Variants in KCNIP4 observed in about 807,000 individuals in gnomAD.
KCNIP4 encodes the protein Kv channel-interacting protein 4.
KCNIP4 carries 12 observed loss-of-function variants against 34.0 expected under a neutral mutation model. The observed-to-expected ratio is 0.35, with a 90% CI of 0.23 to 0.57. KCNIP4 has a LOEUF of 0.57. Among genes scored for constraint, KCNIP4 ranks in the 20% least tolerant of loss-of-function variants. The pLI, the probability that KCNIP4 is intolerant of heterozygous loss-of-function variation, is 0.83. For synonymous variants in KCNIP4, 124 were observed against 102.2 expected (o/e 1.21, Z -1.29); for missense variants, 238 against 311.7 (o/e 0.76, Z 1.78).
intron 1 of KCNIP4, chr4:21,316,141 AC>A (rs1713735373): frequency 6.6e-6 from 1 of 152,126 alleles, no homozygotes; most frequent in Non-Finnish European, 1.5e-5. Context: ...GACAAGATTA[AC>A]CCCTTCTTCT....
chr4:21,144,425 TTA>T (rs1752202615), intron 1 of KCNIP4, among the ~76,000 whole-genome samples: 1 of 152,284 alleles, frequency 6.6e-6, no homozygotes, highest in East Asian at 1.9e-4. Context: ...ATCCCAGAGT[TTA>T]TGTCAAAAAA....
At chr4:20,861,354 G>T (rs192184480) in intron 2 of KCNIP4, among the ~76,000 whole-genome samples, 1 of 152,250 alleles carries the variant, frequency 6.6e-6, no homozygotes, top group African/African-American at 2.4e-5. Flanking sequence ...ATTTTCAGGT[G>T]CACATGGAGA....
intron 1 of KCNIP4, among the ~76,000 whole-genome samples, chr4:21,046,844 T>C (rs11938106): frequency 0.42 from 64,198 of 152,024 alleles, 15,114 homozygotes; most frequent in African/African-American, 0.65. Flanking sequence ...ACCCGCCTCC[T>C]GGCCTTCCAA....
At chr4:21,345,941 C>T (rs962896951) in intron 1 of KCNIP4, among the ~76,000 whole-genome samples, 1 of 149,954 alleles carries the variant, frequency 6.7e-6, no homozygotes, top group Non-Finnish European at 1.5e-5. Context: ...GGTATGATTT[C>T]ATTTTGGAGC....
chr4:21,708,721 T>A (rs982121117), intron 1 of KCNIP4, among the ~76,000 whole-genome samples: 2 of 152,064 alleles, frequency 1.3e-5, no homozygotes, highest in African/African-American at 4.8e-5. Flanking sequence ...TCAAAGGCAA[T>A]CAATAGGCAG....
intron 1 of KCNIP4, among the ~76,000 whole-genome samples, chr4:21,762,737 T>C (rs973412099): frequency 2.6e-5 from 4 of 152,144 alleles, no homozygotes; most frequent in Non-Finnish European, 4.4e-5. Flanking sequence ...ACCAGCGTCA[T>C]TAGTGGGCTG....
At chr4:21,130,352 T>C (rs1031173879) in intron 1 of KCNIP4, among the ~76,000 whole-genome samples, 3 of 152,206 alleles carry the variant, frequency 2.0e-5, no homozygotes, top group African/African-American at 7.2e-5. Flanking sequence ...TCTGAACCAT[T>C]ACAGAAGTTA....
At chr4:21,328,887 C>T (rs1276082522) in intron 1 of KCNIP4, among the ~76,000 whole-genome samples, 4 of 152,194 alleles carry the variant, frequency 2.6e-5, no homozygotes, top group Non-Finnish European at 5.9e-5. Flanking sequence ...CACCTGGCTA[C>T]CCCAGGTGTT....
intron 1 of KCNIP4, among the ~76,000 whole-genome samples, chr4:20,980,918 C>T (rs914959119): frequency 1.4e-4 from 21 of 152,106 alleles, no homozygotes; most frequent in African/African-American, 5.1e-4. Context: ...ACCCTGTCAA[C>T]CTTCATCATT....
intron 1 of KCNIP4, among the ~76,000 whole-genome samples, chr4:20,978,793 G>A (rs188509899): frequency 1.3e-5 from 2 of 152,112 alleles, no homozygotes; most frequent in African/African-American, 4.8e-5. Flanking sequence ...TTATTTGTTA[G>A]TATTCTTTTT....
intron 3 of KCNIP4, among the ~76,000 whole-genome samples, chr4:20,808,889 T>C (rs964979540): frequency 1.3e-5 from 2 of 152,208 alleles, no homozygotes; most frequent in African/African-American, 4.8e-5. Flanking sequence ...CTATTCAGCT[T>C]AGATATTTAA....
chr4:21,559,560 A>G (rs7663360), intron 1 of KCNIP4, among the ~76,000 whole-genome samples: 91,659 of 151,920 alleles, frequency 0.6, 27,833 homozygotes, highest in East Asian at 0.7. Flanking sequence ...GTGCTATAAC[A>G]GAGGGCTCAA....
At chr4:21,857,670 T>TA (rs762829123) in intron 1 of KCNIP4, among the ~76,000 whole-genome samples, 6 of 152,182 alleles carry the variant, frequency 3.9e-5, no homozygotes, top group Non-Finnish European at 8.8e-5. Context: ...TATAACTCAA[T>TA]AAAGCTCCTC....
intron 3 of KCNIP4, among the ~76,000 whole-genome samples, chr4:20,836,734 T>A (rs935280508): frequency 2.6e-5 from 4 of 152,122 alleles, no homozygotes; most frequent in Non-Finnish European, 5.9e-5. Flanking sequence ...CTACAAAATA[T>A]CTTCACAGTA....
Position 20,732,001 on chromosome 4 carries a change from CT to C in KCNIP4, c.705+4del. On this transcript the variant is annotated splice_donor_region_variant and intron_variant, in intron 8 of 8. Coordinates refer to ENST00000382152, the MANE Select transcript of KCNIP4 (RefSeq NM_025221.6). Reference sequence around the variant, plus strand: ...ATTGATAGTTATTACACTTTCATTACTTACTTTTTGGCAGCTTTCAATGAAC... The same window carrying C: ...ATTGATAGTTATTACACTTTCATTACTACTTTTTGGCAGCTTTCAATGAAC... The C allele has an allele frequency of 6.2e-7, 1 of 1,613,258 alleles. No individual in the cohort carries two copies. Among genetic ancestry groups the C allele is most frequent in the Non-Finnish European group, 8.5e-7 (1 of 1,179,688 alleles).
intron 1 of KCNIP4, among the ~76,000 whole-genome samples, chr4:21,577,776 C>T (rs1370589977): frequency 6.6e-6 from 1 of 152,128 alleles, no homozygotes; most frequent in Non-Finnish European, 1.5e-5. Context: ...GCTCCTTCCT[C>T]TATTTGGAAA....
chr4:21,284,338 A>G (rs1468319686), intron 1 of KCNIP4, among the ~76,000 whole-genome samples: 2 of 152,278 alleles, frequency 1.3e-5, no homozygotes, highest in African/African-American at 4.8e-5. Flanking sequence ...AACAAAAGGT[A>G]TAAGCAAGAG....
At chr4:21,135,983 A>G (rs150536193) in intron 1 of KCNIP4, among the ~76,000 whole-genome samples, 3 of 152,366 alleles carry the variant, frequency 2.0e-5, no homozygotes, top group East Asian at 1.9e-4. Context: ...ATTCATGTAA[A>G]CAGCTTAAGT....
intron 1 of KCNIP4, among the ~76,000 whole-genome samples, chr4:21,925,608 T>TCC (rs941219546): frequency 6.6e-6 from 1 of 152,096 alleles, no homozygotes; most frequent in African/African-American, 2.4e-5. Context: ...AAATTCCTTT[T>TCC]CCCCCCACCC....
Sources: gnomAD v4.1 joint callset for allele counts (sites outside exome capture counted in the v4.1 genomes callset) on GRCh38, gnomAD v4.1.1 for gene constraint, MANE v1.5 for transcripts, NCBI Gene and HGNC (gene_info 2026-07-23, HGNC 2026-07-21) for gene names.